The following ADAD1 variants were observed in gnomAD, a reference collection of about 807,000 sequenced individuals.
ADAD1 encodes adenosine deaminase domain containing 1.
ADAD1 carries 46 observed loss-of-function variants against 66.8 expected under a neutral mutation model. That is an observed-to-expected ratio of 0.69 (90% CI 0.54 to 0.88). ADAD1 has a LOEUF of 0.88. Among genes scored for constraint, ADAD1 ranks in the 40% least tolerant of loss-of-function variants. The pLI, the probability that ADAD1 is intolerant of heterozygous loss-of-function variation, is 0.00. For missense variants in ADAD1, 617 were observed against 681.8 expected (o/e 0.91, Z 1.06); for synonymous variants, 248 against 229.4 (o/e 1.08, Z -0.73).
intron 5 of ADAD1, among the ~76,000 whole-genome samples, chr4:122,393,087 T>C (rs537048196): frequency 3.9e-5 from 6 of 152,018 alleles, no homozygotes; most frequent in African/African-American, 1.4e-4. Context: ...TAAACTTTTT[T>C]CTGTACTCCC....
At chr4:122,398,898 A>G (rs1277293414) in intron 7 of ADAD1, among the ~76,000 whole-genome samples, 2 of 152,038 alleles carry the variant, frequency 1.3e-5, no homozygotes, top group East Asian at 1.9e-4. Flanking sequence ...ATAGTTTGCA[A>G]AGATTTTCTC....
At chr4:122,397,204 G>C (rs1312451383) in intron 7 of ADAD1, among the ~76,000 whole-genome samples, 1 of 152,184 alleles carries the variant, frequency 6.6e-6, no homozygotes, top group Non-Finnish European at 1.5e-5. Flanking sequence ...ACAAAATGCA[G>C]TTAGATTGAT....
At chr4:122,424,111 C>T (rs1250714637) in intron 12 of ADAD1, among the ~76,000 whole-genome samples, 1 of 152,106 alleles carries the variant, frequency 6.6e-6, no homozygotes, top group East Asian at 1.9e-4. Flanking sequence ...GATTCTATGT[C>T]CAGGAAAATA....
In ADAD1 at chr4:122,424,597, C is replaced by T. The variant is rs377190404; in HGVS notation, c.1617+3207C>T. On this transcript the variant is annotated intron_variant, in intron 12 of 12. Transcript: ENST00000296513. ...TAAATGAAAAACTATTGATAAAATA[C>T]CAACAGAAGGATTAAAATAGTTCAG... 7.2e-5 allele frequency among the ~76,000 whole-genome samples: 11 copies of T among 152,008 alleles called. No homozygotes were observed. The East Asian group carries it at 1.2e-3, about 16-fold the overall frequency.
intron 9 of ADAD1, among the ~76,000 whole-genome samples, chr4:122,412,202 C>G (rs1796495582): frequency 6.6e-6 from 1 of 151,926 alleles, no homozygotes; most frequent in South Asian, 2.1e-4. Context: ...TTGAAGATGA[C>G]AAAGAAAAAT....
intron 8 of ADAD1, among the ~76,000 whole-genome samples, chr4:122,409,653 TTTTA>T (rs1402683594): frequency 6.6e-6 from 1 of 152,164 alleles, no homozygotes; most frequent in Non-Finnish European, 1.5e-5. Context: ...TAAAATGACT[TTTTA>T]TTTAACTTTT....
intron 7 of ADAD1, among the ~76,000 whole-genome samples, chr4:122,397,967 GTAT>G (rs1169280040): frequency 6.6e-6 from 1 of 152,120 alleles, no homozygotes; most frequent in Non-Finnish European, 1.5e-5. Flanking sequence ...TATTTAAGAT[GTAT>G]TATTAGAAAT....
intron 11 of ADAD1, among the ~76,000 whole-genome samples, chr4:122,418,959 A>G (rs4833825): frequency 0.086 from 13,090 of 152,218 alleles, 1,120 homozygotes; most frequent in East Asian, 0.34. Context: ...CCGTTGTGGA[A>G]GACAGTGTGG....
At chr4:122,387,873 C>G (rs548973911) in intron 5 of ADAD1, among the ~76,000 whole-genome samples, 1 of 151,818 alleles carries the variant, frequency 6.6e-6, no homozygotes, top group South Asian at 2.1e-4. Context: ...CATTCTCCTG[C>G]CTGAGCCTCC....
intron 6 of ADAD1, 21 bp downstream of exon 6, chr4:122,393,678 G>T (rs567430950): frequency 4.5e-6 from 7 of 1,554,728 alleles, no homozygotes; most frequent in Non-Finnish European, 6.1e-6. Flanking sequence ...TTTTTGTGAC[G>T]TTCTTCTTTA....
At chr4:122,428,789 T>C (rs1797376496) in intron 12 of ADAD1, among the ~76,000 whole-genome samples, 1 of 152,154 alleles carries the variant, frequency 6.6e-6, no homozygotes, top group South Asian at 2.1e-4. Flanking sequence ...TGGAACTTTT[T>C]AGAGGTGAGG....
At chr4:122,393,754 T>G in intron 6 of ADAD1, 97 bp downstream of exon 6, 2 of 887,520 alleles carry the variant, frequency 2.3e-6, no homozygotes, top group Non-Finnish European at 3.3e-6. Flanking sequence ...AAAATGTACA[T>G]TAACACTTTA....
chr4:122,384,666 A>G (rs1189010701), intron 5 of ADAD1, among the ~76,000 whole-genome samples: 1 of 152,232 alleles, frequency 6.6e-6, no homozygotes, highest in Non-Finnish European at 1.5e-5. Context: ...TTAAATTGTG[A>G]GAAAAATATA....
rs1301191219 is a variant in ADAD1 at position 122,412,617 on chromosome 4, A to G, written c.1057A>G (p.Asn353Asp). ...NPHSISAFEA[N>D]EELCLHVAVE... ...ACATTCTATATCTGCATTTGAAGCC[A>G]ATGAAGAACTCTGTCTCCACGTGGC... Residue 353 changes from asparagine (N) to aspartate (D), a missense_variant, in exon 10 of 13, where the codon AAT becomes GAT. Coordinates refer to ENST00000296513, the MANE Select transcript of ADAD1 (RefSeq NM_139243.4). 4 of 1,613,856 alleles carry G rather than the reference A, an allele frequency of 2.5e-6. No homozygotes were observed. The highest frequency in any genetic ancestry group is 3.3e-5 in the Admixed American group (2 of 60,008).
At chr4:122,390,233 A>G (rs1436028954) in intron 5 of ADAD1, among the ~76,000 whole-genome samples, 1 of 152,176 alleles carries the variant, frequency 6.6e-6, no homozygotes, top group African/African-American at 2.4e-5. Context: ...ATCCCCTGTT[A>G]GTCTGAAGAG....
chr4:122,421,356 A>G lies in ADAD1; in HGVS notation c.1583A>G (p.Glu528Gly), dbSNP rs1796994399. Reference protein sequence around the residue: ...FNLLAKEAKKELLEAGTYHAA... With the variant: ...FNLLAKEAKKGLLEAGTYHAA... ...CTGCTTGCCAAAGAAGCTAAAAAAG[A>G]ATTACTTGAAGCTGGTACATATCAT... is the stretch of plus-strand genomic sequence containing the variant. Residue 528 changes from glutamate to glycine, a missense_variant, in exon 12 of 13, where the codon GAA (glutamate) becomes GGA (glycine). Glu to Gly is a moderately conservative substitution (Grantham distance 98, BLOSUM62 -2). Transcript: ENST00000296513. 2 of 1,602,722 alleles carry G rather than the reference A, an allele frequency of 1.2e-6. No homozygotes were observed. Among genetic ancestry groups the G allele is most frequent in the Non-Finnish European group, 8.5e-7 (1 of 1,172,306 alleles).
At chr4:122,419,829 C>T (rs1455506266) in intron 11 of ADAD1, among the ~76,000 whole-genome samples, 1 of 152,098 alleles carries the variant, frequency 6.6e-6, no homozygotes, top group African/African-American at 2.4e-5. Flanking sequence ...AATAATTTAG[C>T]TCTACAACTA....
At chr4:122,408,882 CAA>C (rs11347269) in intron 8 of ADAD1, among the ~76,000 whole-genome samples, 47 of 143,078 alleles carry the variant, frequency 3.3e-4, no homozygotes, top group Admixed American at 5.5e-4. Context: ...CATCTTGTCT[CAA>C]AAAAAAAAAA....
At chr4:122,390,296 TC>T (rs1795372156) in intron 5 of ADAD1, among the ~76,000 whole-genome samples, 2 of 152,192 alleles carry the variant, frequency 1.3e-5, no homozygotes, top group Non-Finnish European at 2.9e-5. Context: ...TAATAGTTTT[TC>T]CTTCATTTCA....
Sources: allele counts gnomAD v4.1 joint callset (sites outside exome capture counted in the v4.1 genomes callset), GRCh38; gene constraint gnomAD v4.1.1; transcripts MANE v1.5; gene names NCBI Gene and HGNC (gene_info 2026-07-23, HGNC 2026-07-21).